SCD5: variants seen among roughly 807,000 people sequenced by gnomAD.
SCD5 encodes stearoyl-CoA desaturase 5.
Under a neutral mutation model 30.4 loss-of-function variants are expected in SCD5, and 20 were observed. The ratio of observed to expected loss-of-function variants is 0.66; its 90% CI spans 0.46 to 0.96. SCD5 has a LOEUF of 0.96. Ranked by LOEUF, SCD5 falls within the 40% of genes least tolerant of loss-of-function variation. The pLI is 0.00. For missense variants in SCD5, 381 were observed against 443.3 expected, an observed-to-expected ratio of 0.86 and a Z score of 1.26; for synonymous variants, 173 against 176.4, an observed-to-expected ratio of 0.98 and a Z score of 0.16.
At chr4:82,651,573 C>T (rs1727751120) in intron 3 of SCD5, among the ~76,000 whole-genome samples, 1 of 152,098 alleles carries the variant, frequency 6.6e-6, no homozygotes, top group Non-Finnish European at 1.5e-5. Flanking sequence ...AGAACTTATC[C>T]ATGTCACCAA....
At chr4:82,736,670 T>C (rs530539108) in intron 1 of SCD5, among the ~76,000 whole-genome samples, 1 of 152,012 alleles carries the variant, frequency 6.6e-6, no homozygotes, top group Admixed American at 6.5e-5. Flanking sequence ...ACTTTTGGGG[T>C]TTCTTTTTTT....
At chr4:82,714,244 G>A (rs1315497217) in intron 1 of SCD5, among the ~76,000 whole-genome samples, 1 of 152,086 alleles carries the variant, frequency 6.6e-6, no homozygotes, top group Non-Finnish European at 1.5e-5. Context: ...CCCCTTTACA[G>A]TGAAACTTAC....
chr4:82,768,412 T>C (rs1381383858), intron 1 of SCD5, among the ~76,000 whole-genome samples: 5 of 152,110 alleles, frequency 3.3e-5, no homozygotes, highest in Admixed American at 2.6e-4. Context: ...AGGAACAATA[T>C]TCTAGTAAGT....
chr4:82,788,265 G>C (rs925906024), intron 1 of SCD5, among the ~76,000 whole-genome samples: 2 of 152,186 alleles, frequency 1.3e-5, no homozygotes, highest in Non-Finnish European at 2.9e-5. Flanking sequence ...GTGGTACTCT[G>C]TTATAGTATC....
intron 1 of SCD5, among the ~76,000 whole-genome samples, chr4:82,759,774 A>G (rs769913551): frequency 6.6e-6 from 1 of 152,010 alleles, no homozygotes; most frequent in Non-Finnish European, 1.5e-5. Flanking sequence ...AGCATCTATA[A>G]TCATGTTTGT....
intron 1 of SCD5, among the ~76,000 whole-genome samples, chr4:82,776,597 G>A (rs1161212436): frequency 6.6e-6 from 1 of 152,100 alleles, no homozygotes; most frequent in African/African-American, 2.4e-5. Flanking sequence ...CCTCCTGCTT[G>A]GAATTGACCT....
intron 1 of SCD5, among the ~76,000 whole-genome samples, chr4:82,726,037 T>C (rs10000393): frequency 0.43 from 64,925 of 151,614 alleles, 14,490 homozygotes; most frequent in African/African-American, 0.56. Context: ...AGGCTCTGTG[T>C]CAGCCCAGTG....
chr4:82,789,609 G>T (rs1343360506), intron 1 of SCD5, among the ~76,000 whole-genome samples: 1 of 152,230 alleles, frequency 6.6e-6, no homozygotes, highest in Non-Finnish European at 1.5e-5. Flanking sequence ...CTGCATGTTT[G>T]TTCTAAAGCT....
intron 3 of SCD5, among the ~76,000 whole-genome samples, chr4:82,647,894 A>G (rs768868823): frequency 2.0e-5 from 3 of 152,084 alleles, no homozygotes; most frequent in African/African-American, 4.8e-5. Context: ...TAAATTGTAT[A>G]TGGAAATCAT....
chr4:82,781,183 G>A (rs1721863561), intron 1 of SCD5, among the ~76,000 whole-genome samples: 1 of 152,184 alleles, frequency 6.6e-6, no homozygotes, highest in Non-Finnish European at 1.5e-5. Context: ...GGGAGGCCGA[G>A]GCAGGCAGAT....
At position 82,772,014 on chromosome 4, in the gene SCD5, G is replaced by A. The variant is rs568950999; in HGVS notation, c.232+26292C>T. Among the ~76,000 whole-genome samples the A allele has an allele frequency of 9.5e-4, 145 of 152,278 alleles. 1 individual carries two copies. In the South Asian group the frequency reaches 0.03, roughly 31 times the overall value. Reference sequence around the variant, plus strand: ...TAGCCCAACTTGGGGTTTCAGGAAAGTTTCCTGGTCAGGTAAAGCCCAGGC... The same window carrying A: ...TAGCCCAACTTGGGGTTTCAGGAAAATTTCCTGGTCAGGTAAAGCCCAGGC... On this transcript the variant is annotated intron_variant, in intron 1 of 4. Transcript: ENST00000319540.
chr4:82,784,753 G>A (rs961673434), intron 1 of SCD5, among the ~76,000 whole-genome samples: 3 of 152,012 alleles, frequency 2.0e-5, no homozygotes, highest in Non-Finnish European at 2.9e-5. Flanking sequence ...AAGATTATAC[G>A]GATTATGTAA....
intron 2 of SCD5, among the ~76,000 whole-genome samples, chr4:82,697,230 C>T (rs1719715677): frequency 6.6e-6 from 1 of 152,222 alleles, no homozygotes; most frequent in Admixed American, 6.5e-5. Flanking sequence ...TCTTCCAATA[C>T]AGATGCCGGG....
At position 82,727,589 on chromosome 4, in the gene SCD5, C is replaced by T. The variant is rs150272935; in HGVS notation, c.233-22176G>A. Among the ~76,000 whole-genome samples, 491 of 152,310 alleles carry T rather than the reference C, an allele frequency of 3.2e-3. 7 individuals carry two copies. The highest frequency in any genetic ancestry group is 0.011 in the African/African-American group (462 of 41,558). ...AATGGTCTTTCTCCTTGGACACCCC[C>T]ATTGACAGGCAGTCAAAACTGTTCT... On this transcript the variant is annotated intron_variant, in intron 1 of 4. Transcript: ENST00000319540.
intron 1 of SCD5, among the ~76,000 whole-genome samples, chr4:82,781,538 A>C (rs1273275789): frequency 6.6e-6 from 1 of 152,130 alleles, no homozygotes; most frequent in Admixed American, 6.5e-5. Flanking sequence ...CTGTGGTTTG[A>C]ATGTGTCTCC....
At chr4:82,791,095 G>A (rs533717817) in intron 1 of SCD5, among the ~76,000 whole-genome samples, 11 of 152,164 alleles carry the variant, frequency 7.2e-5, no homozygotes, top group African/African-American at 2.4e-4. Flanking sequence ...AAAATTAGCC[G>A]GGCGTGGTGG....
chr4:82,629,778 C>A lies in SCD5; in HGVS notation c.*1549G>T, dbSNP rs1318870654. 6.6e-6 allele frequency: 1 copy of A among 152,214 alleles called. No homozygotes were observed. Among genetic ancestry groups the A allele is most frequent in the Non-Finnish European group, 1.5e-5 (1 of 68,036 alleles). The allele number at this position is 152,214 out of a possible 1,614,324, so 9.4% of individuals were successfully genotyped here. A position where few individuals can be genotyped will look rare whatever the true frequency, so the allele number is the denominator to read the frequency against. On this transcript the variant is annotated 3_prime_UTR_variant, in exon 5 of 5. Transcript: ENST00000319540. ...CTTTCTTTTGCTCTAACATCTAACACAAAGGGCACACTGTCCCATTAATTC... is the reference window on the plus strand; with the variant it reads ...CTTTCTTTTGCTCTAACATCTAACAAAAAGGGCACACTGTCCCATTAATTC...
chr4:82,798,662 C>T lies in SCD5; in HGVS notation c.-125G>A, dbSNP rs376278689. 1.8e-4 allele frequency: 139 copies of T among 774,126 alleles called. No homozygotes were observed. The African/African-American group carries it at 2.1e-3, about 12-fold the overall frequency. 48.0% of individuals were successfully genotyped at this position (774,126 alleles called of 1,614,324 possible). A position where few individuals can be genotyped will look rare whatever the true frequency, so the allele number is the denominator to read the frequency against. On this transcript the variant is annotated 5_prime_UTR_variant, in exon 1 of 5. Transcript: ENST00000319540. ...GAATTCTCCGCACGTCCAGTCCCCT[C>T]CTTCCAGCCCTTCTCCCGGGCTCCT...
In SCD5 at chr4:82,737,199, C is replaced by T. The variant is rs142567503; in HGVS notation, c.233-31786G>A. 2.9e-3 allele frequency among the ~76,000 whole-genome samples: 439 copies of T among 152,238 alleles called. 2 individuals are homozygous for T. The highest frequency in any genetic ancestry group is 0.01 in the African/African-American group (418 of 41,528). ...ACTTTGATTTTGTAATTATAATTTG[C>T]CAGTTTAACGGCATTGCATGGTTTT... is the stretch of plus-strand genomic sequence containing the variant. On this transcript the variant is annotated intron_variant, in intron 1 of 4. Coordinates refer to ENST00000319540, the MANE Select transcript of SCD5 (RefSeq NM_001037582.3).
Sources: allele counts gnomAD v4.1 joint callset (sites outside exome capture counted in the v4.1 genomes callset), GRCh38; gene constraint gnomAD v4.1.1; transcripts MANE v1.5; gene names NCBI Gene and HGNC (gene_info 2026-07-23, HGNC 2026-07-21).